THBS2: variants seen among roughly 807,000 people sequenced by gnomAD.
THBS2 encodes the protein thrombospondin-2.
THBS2 carries 47 observed loss-of-function variants against 135.2 expected under a neutral mutation model. That is an observed-to-expected ratio of 0.35 (90% CI 0.28 to 0.44). THBS2 has a LOEUF of 0.44. THBS2 is among the 20% of genes least tolerant of loss of function. THBS2 has a pLI of 1.00. For missense variants in THBS2, 1,288 were observed against 1,603.1 expected, an observed-to-expected ratio of 0.80 and a Z score of 3.36; for synonymous variants, 639 against 633.8, an observed-to-expected ratio of 1.01 and a Z score of -0.12.
chr6:169,229,804 A>C, intron 13 of THBS2, 125 bp from the exon 14 acceptor site: 1 of 714,700 alleles, frequency 1.4e-6, no homozygotes. Flanking sequence ...CCTCGATCTC[A>C]AGCGGGAGCT....
intron 9 of THBS2, among the ~76,000 whole-genome samples, chr6:169,236,207 A>C (rs1780053996): frequency 1.6e-5 from 1 of 61,162 alleles, no homozygotes; most frequent in Non-Finnish European, 3.0e-5. Flanking sequence ...TTGCCCCATA[A>C]ACACCATCCA....
intron 14 of THBS2, among the ~76,000 whole-genome samples, 184 bp downstream of exon 14, chr6:169,229,388 A>G (rs1159839832): frequency 6.6e-6 from 1 of 152,206 alleles, no homozygotes; most frequent in Non-Finnish European, 1.5e-5. Flanking sequence ...AGCCCCATGC[A>G]CTGAGGTAAA....
chr6:169,246,218 C>T lies in THBS2; in HGVS notation c.673G>A (p.Gly225Ser). 2.5e-6 allele frequency: 4 copies of T among 1,613,930 alleles called. No individual in the cohort carries two copies. The highest frequency in any genetic ancestry group is 2.2e-5 in the South Asian group (2 of 91,078). Residue 225 changes from glycine (G) to serine (S), a missense_variant, in exon 4 of 22, where the codon GGT (glycine) becomes AGT (serine). Gly to Ser is a moderately conservative substitution (Grantham distance 56, BLOSUM62 0). This residue lies in a region of THBS2 where 414 missense variants were observed against 447.0 expected (regional missense o/e 0.93). Transcript: ENST00000617924. The part of the protein sequence containing the change: ...NSVEDILSKK[G>S]CQQGQGAEIN... ...CTACCTCCCTGGCCTTGCTGGCAACCCTTCTTGCTTAGAATATCTTCCACA... is the reference window on the plus strand; with the variant it reads ...CTACCTCCCTGGCCTTGCTGGCAACTCTTCTTGCTTAGAATATCTTCCACA...
intron 15 of THBS2, among the ~76,000 whole-genome samples, chr6:169,226,784 A>C (rs1779645566): frequency 6.6e-6 from 1 of 152,208 alleles, no homozygotes; most frequent in Non-Finnish European, 1.5e-5. Flanking sequence ...AGTTACAAAA[A>C]TATAAACTAG....
At chr6:169,233,879 CCTA>C (rs1779941132) in intron 10 of THBS2, among the ~76,000 whole-genome samples, 1 of 150,566 alleles carries the variant, frequency 6.6e-6, no homozygotes, top group Non-Finnish European at 1.5e-5. Flanking sequence ...CACACAACTA[CCTA>C]CATGCCACAT....
chr6:169,251,555 G>A (rs1583424021), intron 1 of THBS2, among the ~76,000 whole-genome samples: 2 of 152,170 alleles, frequency 1.3e-5, no homozygotes, highest in African/African-American at 4.8e-5. Context: ...TCTTCCGGGC[G>A]AGCATGAGCC....
At position 169,222,330 on chromosome 6, in the gene THBS2, T is replaced by C. The variant is rs1487466460; in HGVS notation, c.3140A>G (p.Gln1047Arg). 6.2e-7 allele frequency: 1 copy of C among 1,613,520 alleles called. No individual in the cohort carries two copies. The highest frequency in any genetic ancestry group is 8.5e-7 in the Non-Finnish European group (1 of 1,180,044). Residue 1047 changes from glutamine to arginine, a missense_variant, in exon 19 of 22, where the codon CAG (glutamine) becomes CGG (arginine). Coordinates refer to ENST00000617924, the MANE Select transcript of THBS2 (RefSeq NM_003247.5). The stretch of plus-strand genomic sequence containing the variant: ...CGTGGGCTGGTCCTCCCAGTAGGTC[T>C]GCGTCACCTGCTTCCACATCACCAC... The part of the protein sequence containing the change: ...FYVVMWKQVT[Q>R]TYWEDQPTRA...
intron 7 of THBS2, among the ~76,000 whole-genome samples, chr6:169,238,218 G>A (rs1035954510): frequency 1.3e-5 from 2 of 152,216 alleles, no homozygotes; most frequent in African/African-American, 2.4e-5. Flanking sequence ...TTTACATAAT[G>A]TAGTGAAACA....
chr6:169,242,731 ACC>A (rs1780376305), intron 4 of THBS2, among the ~76,000 whole-genome samples: 1 of 108,042 alleles, frequency 9.3e-6, no homozygotes, highest in African/African-American at 3.4e-5. Context: ...CCACCTTCCC[ACC>A]TTCCCACCGC....
At chr6:169,233,913 A>G (rs771379759) in intron 10 of THBS2, among the ~76,000 whole-genome samples, 7 of 149,738 alleles carry the variant, frequency 4.7e-5, no homozygotes, top group Non-Finnish European at 1.0e-4. Flanking sequence ...ACAACTACCC[A>G]TGTACCATGT....
At chr6:169,248,296 G>T in intron 3 of THBS2, 121 bp downstream of exon 3, 1 of 1,173,790 alleles carries the variant, frequency 8.5e-7, no homozygotes. Flanking sequence ...GGGATGTGCA[G>T]TGTGCTTCTC....
At position 169,232,723 on chromosome 6, in the gene THBS2, G is replaced by C. The variant is rs1279065408; in HGVS notation, c.1873C>G (p.Arg625Gly). ...CCGACGGGCTGGTTCCCTCTGTATC[G>C]GGGCGGGCAGGGCAGGCAGTGGAAG... ...PGFHCLPCPP[R>G]YRGNQPVGVG... Residue 625 changes from arginine (R) to glycine (G), a missense_variant, in exon 12 of 22, where the codon CGA becomes GGA. Around this residue, in one of 2 missense-constraint regions of THBS2, gnomAD observed 874 missense variants for 1,156.1 expected, o/e 0.76. Coordinates refer to ENST00000617924, the MANE Select transcript of THBS2 (RefSeq NM_003247.5). The C allele has an allele frequency of 1.2e-6, 2 of 1,613,902 alleles. No individual in the cohort carries two copies. Among genetic ancestry groups the C allele is most frequent in the Admixed American group, 1.7e-5 (1 of 60,006 alleles).
intron 13 of THBS2, among the ~76,000 whole-genome samples, chr6:169,231,527 C>T (rs1272520690): frequency 2.0e-5 from 3 of 152,216 alleles, no homozygotes; most frequent in Admixed American, 1.3e-4. Flanking sequence ...CCCGAAGGAG[C>T]TCCTTCTTCC....
Position 169,237,561 on chromosome 6 carries a change from G to A in THBS2, c.1300+64C>T, listed in dbSNP as rs532265892. On this transcript the variant is annotated intron_variant, in intron 8 of 21. Coordinates refer to ENST00000617924, the MANE Select transcript of THBS2 (RefSeq NM_003247.5). The stretch of plus-strand genomic sequence containing the variant: ...CAGCTCTGTCCCTTGCAAAGGTCCC[G>A]ATGACTGAGAGAAACGCGGCCCCAC... The A allele has an allele frequency of 2.4e-5, 38 of 1,601,470 alleles. 1 individual carries two copies. Among genetic ancestry groups the A allele is most frequent in the South Asian group, 2.2e-4 (20 of 90,908 alleles).
At position 169,232,676 on chromosome 6, in the gene THBS2, CTT is replaced by C; in HGVS notation, c.1918_1919del (p.Lys640AspfsTer7). 1 of 1,605,288 alleles carries C rather than the reference CTT, an allele frequency of 6.2e-7. No individual in the cohort carries two copies. The highest frequency in any genetic ancestry group is 1.7e-5 in the Admixed American group (1 of 57,950). ...QPVGVGLEAA[K>X]TEKQVCEPEN... ...CGGCCTTGCGTACTTGCTTTTCCGT[CTT>C]GGCTGCTTCCAGGCCGACCCCGACG... On this transcript the variant is annotated frameshift_variant, in exon 12 of 22. Transcript: ENST00000617924. LOFTEE classifies it high-confidence loss of function.
chr6:169,236,244 C>CCCGTAAACA (rs1780057009), intron 9 of THBS2, among the ~76,000 whole-genome samples: 1 of 119,214 alleles, frequency 8.4e-6, no homozygotes, highest in Non-Finnish European at 1.7e-5. Context: ...ACACTCACTC[C>CCCGTAAACA]CCATCCACAT....
chr6:169,229,857 A>T (rs991099342), intron 13 of THBS2, among the ~76,000 whole-genome samples, 178 bp from the exon 14 acceptor site: 15 of 152,190 alleles, frequency 9.9e-5, no homozygotes, highest in Non-Finnish European at 7.3e-5. Context: ...ATTTCTTCTC[A>T]ACTCCTGCCC....
chr6:169,221,651 C>T, intron 19 of THBS2, 124 bp from the exon 20 acceptor site: 1 of 766,890 alleles, frequency 1.3e-6, no homozygotes, highest in Non-Finnish European at 2.2e-6. Context: ...CATGGTGCTC[C>T]ATATCTCTCT....
At chr6:169,246,050 A>T (rs1231611267) in intron 4 of THBS2, 147 bp downstream of exon 4, 1 of 532,730 alleles carries the variant, frequency 1.9e-6, no homozygotes, top group Non-Finnish European at 3.3e-6. Flanking sequence ...TAAGTCACTC[A>T]AAGACAATAG....
Sources: gnomAD v4.1 joint callset for allele counts (sites outside exome capture counted in the v4.1 genomes callset) on GRCh38, gnomAD v4.1.1 for gene constraint, gnomAD v4.1.1 regional missense constraint, MANE v1.5 for transcripts, NCBI Gene and HGNC (gene_info 2026-07-23, HGNC 2026-07-21) for gene names.